The following HEPACAM2 variants were observed in gnomAD, a reference collection of about 807,000 sequenced individuals.
HEPACAM2 encodes HEPACAM family member 2.
Under a neutral mutation model 49.6 loss-of-function variants are expected in HEPACAM2, and 49 were observed. The observed-to-expected ratio is 0.99, with a 90% CI of 0.78 to 1.25. The LOEUF is 1.25. Among genes scored for constraint, HEPACAM2 ranks in the 50% most tolerant of loss-of-function variants. The probability of loss-of-function intolerance (pLI) is 0.00; values close to 1 mark genes in which losing one functional copy is unlikely to be tolerated. For missense variants in HEPACAM2, 525 were observed against 557.2 expected (o/e 0.94, Z 0.58); for synonymous variants, 197 against 202.9 (o/e 0.97, Z 0.25).
At chr7:93,189,334 G>A (rs17165143) in intron 9 of HEPACAM2, 64 bp from the exon 10 acceptor site, 16 of 1,241,386 alleles carry the variant, frequency 1.3e-5, no homozygotes, top group Non-Finnish European at 1.7e-5. Context: ...GCAGGTAAAA[G>A]AACTTTAAAT....
intron 4 of HEPACAM2, among the ~76,000 whole-genome samples, chr7:93,201,300 C>T (rs1004583011): frequency 3.9e-5 from 6 of 151,970 alleles, no homozygotes; most frequent in East Asian, 1.9e-4. Flanking sequence ...GAATATTTAG[C>T]GCACTAAGAC....
intron 7 of HEPACAM2, 68 bp downstream of exon 7, chr7:93,197,168 TATATA>T: frequency 1.0e-6 from 1 of 973,644 alleles, no homozygotes; most frequent in Non-Finnish European, 1.4e-6. Flanking sequence ...ACATTAATAA[TATATA>T]ATAATATTAA....
intron 9 of HEPACAM2, among the ~76,000 whole-genome samples, 153 bp downstream of exon 9, chr7:93,192,101 T>C (rs1324560580): frequency 6.6e-6 from 1 of 152,116 alleles, no homozygotes; most frequent in Non-Finnish European, 1.5e-5. Flanking sequence ...TTTCTCAAAA[T>C]TATGCTCAGG....
In HEPACAM2 at chr7:93,219,389, C is replaced by T. The variant is rs775888411; in HGVS notation, c.142G>A (p.Ala48Thr). ...CCATAGTGGACGGGTAGGTAGAGGG[C>T]CTGACCTCTGACGCCATGGACAGTG... ...SHTVHGVRGQ[A>T]LYLPVHYGFH... Residue 48 changes from alanine to threonine, a missense_variant, in exon 2 of 10, where the codon GCC (alanine) becomes ACC (threonine). Coordinates refer to ENST00000394468, the MANE Select transcript of HEPACAM2 (RefSeq NM_001039372.4). 3.7e-6 allele frequency: 6 copies of T among 1,613,846 alleles called. No individual in the cohort carries two copies. The highest frequency in any genetic ancestry group is 1.7e-5 in the Admixed American group (1 of 59,952).
chr7:93,229,581 A>G (rs1794591361), upstream of HEPACAM2, among the ~76,000 whole-genome samples: 1 of 152,112 alleles, frequency 6.6e-6, no homozygotes, highest in Admixed American at 6.5e-5. Context: ...CTACTTTACT[A>G]CTAATCCTAT....
In HEPACAM2 at chr7:93,197,199, T is replaced by C. The variant is rs761756307; in HGVS notation, c.1201+42A>G. The C allele has an allele frequency of 1.4e-5, 21 of 1,449,010 alleles. No homozygotes were observed. The Admixed American group carries it at 4.2e-4, about 29-fold the overall frequency. The allele number at this position is 1,449,010 out of a possible 1,614,324, so 89.8% of individuals were successfully genotyped here. ...ATAATATTAACACAACTAATTAACA[T>C]ACATTAAAACTGATAATAGCCCTTT... On this transcript the variant is annotated intron_variant, in intron 7 of 9. Transcript: ENST00000394468.
intron 4 of HEPACAM2, among the ~76,000 whole-genome samples, chr7:93,198,040 G>C (rs1793781695): frequency 1.3e-5 from 2 of 151,986 alleles, no homozygotes; most frequent in Non-Finnish European, 2.9e-5. Context: ...GATTAAAGGT[G>C]CAAGAGGGGA....
chr7:93,188,864 G>A lies in HEPACAM2; in HGVS notation c.*403C>T, dbSNP rs191470932. 151 of 393,720 alleles carry A rather than the reference G, an allele frequency of 3.8e-4. No homozygotes were observed. The highest frequency in any genetic ancestry group is 2.9e-3 in the Admixed American group (65 of 22,612). The allele number at this position is 393,720 out of a possible 1,614,324, so 24.4% of individuals were successfully genotyped here. ...ATAAAACAAAGTCTGCTGAAAAATC[G>A]AACAATGTAAAGTTTCCACATTTGT... On this transcript the variant is annotated 3_prime_UTR_variant, in exon 10 of 10. Coordinates refer to ENST00000394468, the MANE Select transcript of HEPACAM2 (RefSeq NM_001039372.4).
intron 8 of HEPACAM2, among the ~76,000 whole-genome samples, chr7:93,194,372 A>G (rs1185198883): frequency 6.6e-6 from 1 of 152,156 alleles, no homozygotes; most frequent in Non-Finnish European, 1.5e-5. Flanking sequence ...CTGCTCTCCA[A>G]TTTGAAGCCA....
chr7:93,221,352 C>G (rs1794445434), intron 1 of HEPACAM2, among the ~76,000 whole-genome samples: 1 of 152,016 alleles, frequency 6.6e-6, no homozygotes, highest in Non-Finnish European at 1.5e-5. Context: ...TTTCATTCTA[C>G]TAGAAAGGGA....
In HEPACAM2 at chr7:93,189,587, A is replaced by C. The variant is rs151235436; in HGVS notation, c.1386-317T>G. Among the ~76,000 whole-genome samples the C allele has an allele frequency of 2.8e-3, 426 of 152,114 alleles. 1 individual carries two copies. Among genetic ancestry groups the C allele is most frequent in the African/African-American group, 9.6e-3 (398 of 41,558 alleles). Reference sequence around the variant, plus strand: ...AGGTCAATAGACAACATTGAAATACATCCAGCCATAAGTTCACTAAATAAA... The same window carrying C: ...AGGTCAATAGACAACATTGAAATACCTCCAGCCATAAGTTCACTAAATAAA... On this transcript the variant is annotated intron_variant, in intron 9 of 9. Transcript: ENST00000394468.
chr7:93,215,533 AG>A lies in HEPACAM2; in HGVS notation c.582del (p.Tyr195ThrfsTer15). ...KNGRPVHTSS[T>X]YSFSPQNNTL... ...GTATTGTTTTGGGGAGAAAAGGAGT[AG>A]GTGGAGCTGGTGTGGACAGGTCTCC... On this transcript the variant is annotated frameshift_variant, in exon 3 of 10. Coordinates refer to ENST00000394468, the MANE Select transcript of HEPACAM2 (RefSeq NM_001039372.4). LOFTEE classifies it high-confidence loss of function. The A allele has an allele frequency of 6.2e-7, 1 of 1,613,862 alleles. No individual in the cohort carries two copies. Among genetic ancestry groups the A allele is most frequent in the Non-Finnish European group, 8.5e-7 (1 of 1,179,844 alleles).
rs772103918 is a variant in HEPACAM2 at position 93,195,933 on chromosome 7, C to G, written c.1202-32G>C. The G allele has an allele frequency of 2.7e-6, 4 of 1,486,660 alleles. No homozygotes were observed. The Admixed American group carries it at 5.2e-5, about 19-fold the overall frequency. 92.1% of individuals were successfully genotyped at this position (1,486,660 alleles called of 1,614,324 possible). A position where few individuals can be genotyped will look rare whatever the true frequency, so the allele number is the denominator to read the frequency against. Reference sequence around the variant, plus strand: ...TGTAAAACAAATACTGCTTACAAACCGAATGCCTTGATTTGCTGTTGTTTT... The same window carrying G: ...TGTAAAACAAATACTGCTTACAAACGGAATGCCTTGATTTGCTGTTGTTTT... On this transcript the variant is annotated intron_variant, in intron 7 of 9. Transcript: ENST00000394468.
chr7:93,211,606 A>G (rs1002468226), intron 3 of HEPACAM2, among the ~76,000 whole-genome samples: 4 of 152,158 alleles, frequency 2.6e-5, no homozygotes, highest in African/African-American at 9.6e-5. Context: ...TGAGACGTTG[A>G]CCACATACTA....
intron 9 of HEPACAM2, among the ~76,000 whole-genome samples, chr7:93,190,443 C>T (rs533780589): frequency 6.5e-4 from 99 of 151,832 alleles, no homozygotes; most frequent in African/African-American, 2.3e-3. Flanking sequence ...CACTGGAAGA[C>T]AAAGATCTAC....
intron 9 of HEPACAM2, among the ~76,000 whole-genome samples, chr7:93,190,984 T>A (rs1291164888): frequency 6.6e-6 from 1 of 152,020 alleles, no homozygotes; most frequent in African/African-American, 2.4e-5. Flanking sequence ...GAAAAACAAA[T>A]GAACTTAAAT....
At chr7:93,197,812 G>T (rs1041912685) in intron 4 of HEPACAM2, among the ~76,000 whole-genome samples, 1 of 152,042 alleles carries the variant, frequency 6.6e-6, no homozygotes, top group African/African-American at 2.4e-5. Context: ...GGATACCTGT[G>T]ATTGGAAACG....
chr7:93,208,619 G>A lies in HEPACAM2; in HGVS notation c.973C>T (p.Gln325Ter), dbSNP rs1794090689. 1.2e-6 allele frequency: 2 copies of A among 1,612,914 alleles called. No homozygotes were observed. The highest frequency in any genetic ancestry group is 8.5e-7 in the Non-Finnish European group (1 of 1,179,272). The change falls in exon 4 of 10, where the codon CAA becomes TAA. Residue 325 changes from glutamine (Q) to a stop codon, truncating the protein, a stop_gained. Coordinates refer to ENST00000394468, the MANE Select transcript of HEPACAM2 (RefSeq NM_001039372.4). LOFTEE classifies it high-confidence loss of function. ...ATAACTGTGAAATGAGTTTCATCTT[G>A]CCTGCCGGTTATGTTGTTGTAAGCA... ...CCAYNNITGR[Q>*]DETHFTVIIT...
At chr7:93,223,430 C>T (rs73218069) in intron 1 of HEPACAM2, among the ~76,000 whole-genome samples, 3,768 of 151,752 alleles carry the variant, frequency 0.025, 76 homozygotes, top group Non-Finnish European at 0.038. Context: ...ATATTAAATA[C>T]AATACAAATA....
Sources: allele counts gnomAD v4.1 joint callset (sites outside exome capture counted in the v4.1 genomes callset), GRCh38; gene constraint gnomAD v4.1.1; transcripts MANE v1.5; gene names NCBI Gene and HGNC (gene_info 2026-07-23, HGNC 2026-07-21).